The following SLC20A2 variants were observed in gnomAD, a reference collection of about 807,000 sequenced individuals.
SLC20A2 encodes the protein sodium-dependent phosphate transporter 2.
Under a neutral mutation model 61.0 loss-of-function variants are expected in SLC20A2, and 30 were observed. The observed-to-expected ratio is 0.49, with a 90% CI of 0.37 to 0.67. The LOEUF is 0.67. Among genes scored for constraint, SLC20A2 ranks in the 30% least tolerant of loss-of-function variants. SLC20A2 has a pLI of 0.00. For missense variants in SLC20A2, 626 were observed against 866.4 expected (o/e 0.72, Z 3.48); for synonymous variants, 351 against 353.3 (o/e 0.99, Z 0.07).
chr8:42,448,557 A>G (rs531682913), intron 5 of SLC20A2, among the ~76,000 whole-genome samples: 4 of 152,246 alleles, frequency 2.6e-5, no homozygotes, highest in African/African-American at 9.6e-5. Flanking sequence ...TTAAGATAAT[A>G]TCACCTGCCC....
At chr8:42,526,933 G>A (rs764420437) in intron 1 of SLC20A2, among the ~76,000 whole-genome samples, 16 of 151,586 alleles carry the variant, frequency 1.1e-4, no homozygotes, top group African/African-American at 1.9e-4. Flanking sequence ...GCAGGACCCC[G>A]CCTTTACAAA....
At chr8:42,512,209 T>A (rs1811070359) in intron 1 of SLC20A2, among the ~76,000 whole-genome samples, 1 of 152,174 alleles carries the variant, frequency 6.6e-6, no homozygotes, top group Admixed American at 6.5e-5. Context: ...TTGACTCAGA[T>A]CTGTTTTTTA....
chr8:42,514,317 T>A (rs1418610903), intron 1 of SLC20A2, among the ~76,000 whole-genome samples: 1 of 152,072 alleles, frequency 6.6e-6, no homozygotes, highest in East Asian at 1.9e-4. Context: ...AATAGTTAAC[T>A]GGGTAACAGT....
chr8:42,507,702 T>G (rs543700220), intron 1 of SLC20A2, among the ~76,000 whole-genome samples: 8 of 152,342 alleles, frequency 5.3e-5, no homozygotes, highest in Admixed American at 5.2e-4. Flanking sequence ...GAAAGTGGTG[T>G]CAATGACAGT....
intron 1 of SLC20A2, among the ~76,000 whole-genome samples, chr8:42,475,435 A>T (rs1363830152): frequency 6.7e-6 from 1 of 150,018 alleles, no homozygotes. Flanking sequence ...TTTGAGACAA[A>T]GTCTCACTCT....
intron 5 of SLC20A2, among the ~76,000 whole-genome samples, chr8:42,451,877 G>A (rs1261865466): frequency 1.4e-5 from 2 of 140,946 alleles, no homozygotes; most frequent in African/African-American, 2.7e-5. Flanking sequence ...GGAGGAGGAA[G>A]AGGAAGAGAT....
chr8:42,468,679 C>T (rs564177006), intron 2 of SLC20A2, among the ~76,000 whole-genome samples: 64 of 151,710 alleles, frequency 4.2e-4, no homozygotes, highest in Admixed American at 2.2e-3. Context: ...TCTCAGAGGC[C>T]GCCATTCCCG....
chr8:42,495,978 G>A (rs1809897952), intron 1 of SLC20A2, among the ~76,000 whole-genome samples: 1 of 151,812 alleles, frequency 6.6e-6, no homozygotes, highest in Non-Finnish European at 1.5e-5. Flanking sequence ...TCGAACTCCT[G>A]ACCCCAAGTG....
At position 42,468,832 on chromosome 8, in the gene SLC20A2, GTGC is replaced by G. The variant is rs573823033; in HGVS notation, c.290-2918_290-2916del. Among the ~76,000 whole-genome samples, 83 of 152,266 alleles carry G rather than the reference GTGC, an allele frequency of 5.5e-4. No homozygotes were observed. In the South Asian group the frequency reaches 0.017, roughly 31 times the overall value. The stretch of plus-strand genomic sequence containing the variant: ...AGGGTTTCGAGGAGCTGGCTCGTTT[GTGC>G]TAGTGTGGGTCTTTCCACAAAAAAA... On this transcript the variant is annotated intron_variant, in intron 2 of 10. Transcript: ENST00000520262.
At chr8:42,528,305 C>T (rs1263127265) in intron 1 of SLC20A2, among the ~76,000 whole-genome samples, 1 of 151,852 alleles carries the variant, frequency 6.6e-6, no homozygotes, top group Non-Finnish European at 1.5e-5. Context: ...ACTAAAAGTA[C>T]AAAAAAGTTA....
chr8:42,418,630 G>A (rs1472538458), intron 10 of SLC20A2, among the ~76,000 whole-genome samples: 2 of 151,750 alleles, frequency 1.3e-5, no homozygotes, highest in African/African-American at 4.8e-5. Flanking sequence ...TCAAGTGATC[G>A]GCCCGCCTCA....
chr8:42,451,939 A>G (rs1272746114), intron 5 of SLC20A2, among the ~76,000 whole-genome samples: 3 of 109,036 alleles, frequency 2.8e-5, no homozygotes, highest in Non-Finnish European at 1.8e-5. Flanking sequence ...GAAGAGGAGG[A>G]GGAGGAAGAG....
rs1812104886 is a variant in SLC20A2 at position 42,528,279 on chromosome 8, G to A, written c.-265+13542C>T. Among the ~76,000 whole-genome samples, 4 of 152,170 alleles carry A rather than the reference G, an allele frequency of 2.6e-5. No individual in the cohort carries two copies. In the South Asian group the frequency reaches 8.3e-4, roughly 32 times the overall value. Reference sequence around the variant, plus strand: ...GATCGAGACCATCCTGGCTAACACGGTGAAACCCCGTCTCTACTAAAAGTA... The same window carrying A: ...GATCGAGACCATCCTGGCTAACACGATGAAACCCCGTCTCTACTAAAAGTA... On this transcript the variant is annotated intron_variant, in intron 1 of 10. Coordinates refer to the SLC20A2 transcript ENST00000342228.
At chr8:42,519,984 A>C (rs1811545020) in intron 1 of SLC20A2, among the ~76,000 whole-genome samples, 1 of 146,354 alleles carries the variant, frequency 6.8e-6, no homozygotes. Context: ...TGAGTTTCCC[A>C]ATTTCCCAAC....
chr8:42,430,454 T>G (rs562035333), intron 8 of SLC20A2, among the ~76,000 whole-genome samples: 4 of 150,300 alleles, frequency 2.7e-5, no homozygotes, highest in Non-Finnish European at 4.5e-5. Flanking sequence ...CCTCCACCTC[T>G]CCGGTTCAAG....
chr8:42,479,952 C>T (rs1279517129), intron 1 of SLC20A2, among the ~76,000 whole-genome samples: 1 of 152,154 alleles, frequency 6.6e-6, no homozygotes, highest in Non-Finnish European at 1.5e-5. Context: ...TGACATCAGC[C>T]TCAACTGCTC....
intron 1 of SLC20A2, among the ~76,000 whole-genome samples, chr8:42,489,724 C>T (rs1040911844): frequency 6.6e-6 from 1 of 152,198 alleles, no homozygotes; most frequent in East Asian, 1.9e-4. Flanking sequence ...TGGGACAGCA[C>T]AAGCCACTTA....
chr8:42,426,331 C>T (rs77503027), intron 10 of SLC20A2, among the ~76,000 whole-genome samples: 22 of 152,284 alleles, frequency 1.4e-4, no homozygotes, highest in Non-Finnish European at 2.9e-4. Flanking sequence ...TACATACAAA[C>T]GGATTAGACT....
intron 2 of SLC20A2, among the ~76,000 whole-genome samples, chr8:42,469,270 C>A (rs2978455): frequency 1.3e-5 from 2 of 151,960 alleles, no homozygotes; most frequent in African/African-American, 2.4e-5. Context: ...TTTTATGAAT[C>A]TAGGTAACTC....
Sources: allele counts gnomAD v4.1 joint callset (sites outside exome capture counted in the v4.1 genomes callset), GRCh38; gene constraint gnomAD v4.1.1; transcripts MANE v1.5; gene names NCBI Gene and HGNC (gene_info 2026-07-23, HGNC 2026-07-21).